The following RYR2 variants were observed in gnomAD, a reference collection of about 807,000 sequenced individuals.
RYR2 encodes the protein cardiac muscle ryanodine receptor-calcium release channel.
RYR2 carries 227 observed loss-of-function variants against 601.1 expected under a neutral mutation model. That is an observed-to-expected ratio of 0.38 (90% CI 0.34 to 0.42). RYR2 has a LOEUF of 0.42. Among genes scored for constraint, RYR2 ranks in the 10% least tolerant of loss-of-function variants. The pLI, the probability that RYR2 is intolerant of heterozygous loss-of-function variation, is 1.00. For synonymous variants in RYR2, 2,223 were observed against 2,175.1 expected, an observed-to-expected ratio of 1.02 and a Z score of -0.61; for missense variants, 4,646 against 6,156.5, an observed-to-expected ratio of 0.75 and a Z score of 8.21.
chr1:237,798,283 G>GTCTACT (rs2149405055), intron 97 of RYR2, 113 bp downstream of exon 97: 1 of 957,584 alleles, frequency 1.0e-6, no homozygotes, highest in East Asian at 2.8e-5. Flanking sequence ...AGAATAGATA[G>GTCTACT]ATGAGGAAAA....
Position 237,680,388 on chromosome 1 carries a change from G to A in RYR2, c.8896-68G>A, listed in dbSNP as rs1371296122. ...TGAACAGAACTCTGACTGCTCCAAA[G>A]CCTCAGCTCCCATTCATCCCCTGAA... On this transcript the variant is annotated intron_variant, in intron 61 of 104. Transcript: ENST00000366574. The A allele has an allele frequency of 3.6e-6, 5 of 1,395,208 alleles. No homozygotes were observed. The East Asian group carries it at 1.2e-4, about 32-fold the overall frequency. 86.4% of individuals were successfully genotyped at this position (1,395,208 alleles called of 1,614,324 possible). A position where few individuals can be genotyped will look rare whatever the true frequency, so the allele number is the denominator to read the frequency against.
intron 70 of RYR2, among the ~76,000 whole-genome samples, chr1:237,711,485 CAT>C (rs951889461): frequency 9.2e-5 from 14 of 152,174 alleles, no homozygotes; most frequent in African/African-American, 2.9e-4. Flanking sequence ...CCTTGGTAAA[CAT>C]GTGATCTTGC....
At position 237,492,438 on chromosome 1, in the gene RYR2, G is replaced by T. The variant is rs183673957; in HGVS notation, c.1827+514G>T. ...TATATGAAGAAAAGTTGGAAAATTA[G>T]TGGGAAACTACTGTAATGTTTAAAT... On this transcript the variant is annotated intron_variant, in intron 18 of 104. Coordinates refer to ENST00000366574, the MANE Select transcript of RYR2 (RefSeq NM_001035.3). Among the ~76,000 whole-genome samples, 9 of 152,336 alleles carry T rather than the reference G, an allele frequency of 5.9e-5. No individual in the cohort carries two copies. In the East Asian group the frequency reaches 1.5e-3, roughly 26 times the overall value.
intron 29 of RYR2, among the ~76,000 whole-genome samples, chr1:237,586,306 A>G (rs762560924): frequency 5.3e-5 from 8 of 152,290 alleles, no homozygotes; most frequent in Non-Finnish European, 1.0e-4. Flanking sequence ...ACTCCTGTGT[A>G]TGTATCACAG....
chr1:237,071,520 G>A (rs1051317166), intron 1 of RYR2, among the ~76,000 whole-genome samples: 2 of 151,988 alleles, frequency 1.3e-5, no homozygotes, highest in African/African-American at 4.8e-5. Context: ...CACCCTGCCC[G>A]GCCGAGTCCA....
chr1:237,220,393 G>A (rs1002731962), intron 1 of RYR2, among the ~76,000 whole-genome samples: 1 of 152,220 alleles, frequency 6.6e-6, no homozygotes, highest in African/African-American at 2.4e-5. Context: ...GGCCTGACCG[G>A]TGGTGTGCTG....
chr1:237,051,222 C>G (rs1050254859), intron 1 of RYR2, among the ~76,000 whole-genome samples: 13 of 112,134 alleles, frequency 1.2e-4, no homozygotes, highest in East Asian at 2.8e-4. Context: ...TCTCTCCCCC[C>G]CCTTCCTCCC....
Position 237,803,457 on chromosome 1 carries a change from C to T in RYR2, c.14151+1541C>T, listed in dbSNP as rs1413959866. ...CTGGGACTACAGGCGCCCGCCACCA[C>T]GCCCGGCTAATTTTTTGTACTTTTA... is the stretch of plus-strand genomic sequence containing the variant. On this transcript the variant is annotated intron_variant, in intron 98 of 104. Coordinates refer to ENST00000366574, the MANE Select transcript of RYR2 (RefSeq NM_001035.3). Among the ~76,000 whole-genome samples, 4 of 152,122 alleles carry T rather than the reference C, an allele frequency of 2.6e-5. No individual in the cohort carries two copies. In the South Asian group the frequency reaches 6.2e-4, roughly 24 times the overall value.
chr1:237,396,500 A>T (rs980157528), intron 10 of RYR2, among the ~76,000 whole-genome samples: 1 of 152,182 alleles, frequency 6.6e-6, no homozygotes, highest in Admixed American at 6.5e-5. Flanking sequence ...TGTGATGTTA[A>T]ATTATGTTTT....
chr1:237,597,303 T>C (rs1178956967), intron 34 of RYR2, among the ~76,000 whole-genome samples: 3 of 151,696 alleles, frequency 2.0e-5, no homozygotes, highest in Admixed American at 2.0e-4. Context: ...TATTTTTTTT[T>C]TTTTTGAGAC....
At chr1:237,497,248 G>T (rs1001547167) in intron 20 of RYR2, among the ~76,000 whole-genome samples, 3 of 152,176 alleles carry the variant, frequency 2.0e-5, no homozygotes, top group Non-Finnish European at 4.4e-5. Flanking sequence ...AGTGTGGTAT[G>T]AGGACTCAGA....
rs887311059 is a variant in RYR2 at position 237,668,257 on chromosome 1, T to C, written c.8590+299T>C. 5.3e-5 allele frequency among the ~76,000 whole-genome samples: 8 copies of C among 152,184 alleles called. 1 individual carries two copies. Among genetic ancestry groups the C allele is most frequent in the African/African-American group, 1.9e-4 (8 of 41,456 alleles). ...TGACTTAGACTTCCCTCCCTGACTC[T>C]CTTCCCCAACTTAAATATCTCCTAT... On this transcript the variant is annotated intron_variant, in intron 58 of 104. Transcript: ENST00000366574.
intron 73 of RYR2, among the ~76,000 whole-genome samples, chr1:237,719,232 A>G (rs1689509363): frequency 6.6e-6 from 1 of 152,166 alleles, no homozygotes; most frequent in Admixed American, 6.5e-5. Flanking sequence ...ACTCCAGCCT[A>G]GACAACAAAG....
intron 41 of RYR2, among the ~76,000 whole-genome samples, chr1:237,628,908 A>G (rs1444575332): frequency 3.9e-5 from 6 of 152,164 alleles, no homozygotes; most frequent in Non-Finnish European, 1.5e-5. Context: ...TAGGGGGAAC[A>G]AATTTTCTGA....
intron 76 of RYR2, among the ~76,000 whole-genome samples, chr1:237,729,632 A>G (rs1334770135): frequency 6.6e-6 from 1 of 152,090 alleles, no homozygotes; most frequent in Non-Finnish European, 1.5e-5. Flanking sequence ...TTACCTTGAC[A>G]TCTTATCCAC....
At position 237,748,197 on chromosome 1, in the gene RYR2, A is replaced by G. The variant is rs1373658222; in HGVS notation, c.11145+5848A>G. Among the ~76,000 whole-genome samples, 3 of 152,170 alleles carry G rather than the reference A, an allele frequency of 2.0e-5. No individual in the cohort carries two copies. In the East Asian group the frequency reaches 5.8e-4, roughly 29 times the overall value. On this transcript the variant is annotated intron_variant, in intron 80 of 104. Coordinates refer to ENST00000366574, the MANE Select transcript of RYR2 (RefSeq NM_001035.3). ...ATGAGGGAGGGCAAGTAGAAGATAG[A>G]GTGTTCTTGAGCTGATCACAGCTGT...
intron 35 of RYR2, among the ~76,000 whole-genome samples, chr1:237,607,998 A>G (rs557115341): frequency 1.3e-5 from 2 of 152,244 alleles, no homozygotes; most frequent in Non-Finnish European, 2.9e-5. Flanking sequence ...TACAATATAC[A>G]TACGTATGCA....
rs771433722 is a variant in RYR2, at chr1:237,792,224, A to G, written c.13683A>G (p.Leu4561=). 2 of 1,613,782 alleles carry G rather than the reference A, an allele frequency of 1.2e-6. No homozygotes were observed. The highest frequency in any genetic ancestry group is 4.5e-5 in the East Asian group (2 of 44,858). ...SHRIIAVHYV[L]EESSGYMEPT... ...GAATCATCGCAGTTCACTATGTACT[A>G]GAGGAGAGCAGCGGCTACATGGAGC... Residue 4561 remains leucine (L), a synonymous_variant, in exon 94 of 105, where the codon CTA becomes CTG. Transcript: ENST00000366574.
intron 1 of RYR2, among the ~76,000 whole-genome samples, chr1:237,092,703 T>C (rs1298639099): frequency 3.9e-5 from 6 of 152,094 alleles, no homozygotes; most frequent in African/African-American, 1.4e-4. Flanking sequence ...CTATTTTTTG[T>C]ATTTTTAGTT....
Sources: gnomAD v4.1 joint callset for allele counts (sites outside exome capture counted in the v4.1 genomes callset) on GRCh38, gnomAD v4.1.1 for gene constraint, MANE v1.5 for transcripts, NCBI Gene and HGNC (gene_info 2026-07-23, HGNC 2026-07-21) for gene names.